The following AGBL4 variants were observed in gnomAD, a reference collection of about 807,000 sequenced individuals.
The protein encoded by AGBL4 is AGBL carboxypeptidase 4.
AGBL4 carries 58 observed loss-of-function variants against 66.4 expected under a neutral mutation model. The observed-to-expected ratio is 0.87, with a 90% confidence interval of 0.71 to 1.09. The LOEUF (loss-of-function observed/expected upper bound fraction) is 1.09. AGBL4 is among the 50% of genes least tolerant of loss of function. The pLI, the probability that AGBL4 is intolerant of heterozygous loss-of-function variation, is 0.00. For missense variants in AGBL4, 579 were observed against 631.0 expected, an observed-to-expected ratio of 0.92 and a Z score of 0.88; for synonymous variants, 234 against 222.9, an observed-to-expected ratio of 1.05 and a Z score of -0.44.
chr1:48,625,584 T>C (rs546349457), intron 9 of AGBL4, among the ~76,000 whole-genome samples: 5 of 152,180 alleles, frequency 3.3e-5, no homozygotes, highest in Admixed American at 6.5e-5. Flanking sequence ...ATGCATAGTA[T>C]CTAATCCTAA....
chr1:49,031,634 G>C (rs891453628), intron 5 of AGBL4, among the ~76,000 whole-genome samples: 1 of 151,962 alleles, frequency 6.6e-6, no homozygotes, highest in Non-Finnish European at 1.5e-5. Flanking sequence ...TATATAGATG[G>C]CCAATAAGCA....
intron 3 of AGBL4, among the ~76,000 whole-genome samples, chr1:49,470,168 CT>C (rs1646712601): frequency 6.6e-6 from 1 of 151,910 alleles, no homozygotes; most frequent in African/African-American, 2.4e-5. Flanking sequence ...AGATGAAACA[CT>C]TTTCCAGAAA....
intron 9 of AGBL4, among the ~76,000 whole-genome samples, chr1:48,624,513 C>T (rs12064613): frequency 1.3e-3 from 199 of 152,298 alleles, no homozygotes; most frequent in African/African-American, 4.2e-3. Flanking sequence ...GCATGATGTG[C>T]ACCTTAACCA....
At chr1:49,132,223 T>C (rs1248079261) in intron 4 of AGBL4, among the ~76,000 whole-genome samples, 1 of 151,978 alleles carries the variant, frequency 6.6e-6, no homozygotes, top group African/African-American at 2.4e-5. Flanking sequence ...AATTAGACTA[T>C]CTCTTGGGTT....
chr1:49,922,534 T>A (rs911449864), intron 1 of AGBL4, among the ~76,000 whole-genome samples: 1 of 152,150 alleles, frequency 6.6e-6, no homozygotes, highest in Non-Finnish European at 1.5e-5. Flanking sequence ...GCAGACGACA[T>A]TATCCCATAT....
intron 3 of AGBL4, among the ~76,000 whole-genome samples, chr1:49,647,972 C>T (rs986838085): frequency 6.6e-6 from 1 of 152,002 alleles, no homozygotes; most frequent in Non-Finnish European, 1.5e-5. Context: ...CTGCCCAGTA[C>T]ATCATGTCCA....
intron 1 of AGBL4, among the ~76,000 whole-genome samples, chr1:49,923,593 T>C (rs948514068): frequency 4.0e-5 from 6 of 151,844 alleles, no homozygotes; most frequent in African/African-American, 1.5e-4. Flanking sequence ...CAAGAATCTA[T>C]AAGGAACTTA....
the AGBL4 span, among the ~76,000 whole-genome samples, chr1:48,527,196 T>G: frequency 6.6e-6 from 1 of 152,158 alleles, no homozygotes; most frequent in African/African-American, 2.4e-5. Context: ...CTGACCTGTC[T>G]GGAACCATTA....
In AGBL4 at chr1:49,756,633, C is replaced by T. The variant is rs376458045; in HGVS notation, c.158-59196G>A. ...CATGTTGTGGGATGGACCAGGTGGG[C>T]GGTAATTGAATCATGGAGGGAGTTT... is the stretch of plus-strand genomic sequence containing the variant. On this transcript the variant is annotated intron_variant, in intron 2 of 13. Transcript: ENST00000371839. 2.8e-3 allele frequency among the ~76,000 whole-genome samples: 426 copies of T among 152,238 alleles called. 3 individuals are homozygous for T. Among genetic ancestry groups the T allele is most frequent in the South Asian group, 9.9e-3 (48 of 4,828 alleles).
intron 6 of AGBL4, among the ~76,000 whole-genome samples, chr1:48,791,964 T>C (rs894125428): frequency 9.9e-5 from 15 of 152,198 alleles, no homozygotes; most frequent in Admixed American, 3.3e-4. Flanking sequence ...TAATTTTTAA[T>C]GGGTGTTATG....
At chr1:49,503,597 T>C (rs1648398800) in intron 3 of AGBL4, among the ~76,000 whole-genome samples, 1 of 152,158 alleles carries the variant, frequency 6.6e-6, no homozygotes, top group South Asian at 2.1e-4. Context: ...GGGGCAGAGC[T>C]GCCCAAAGCT....
At chr1:49,705,581 A>G (rs547876519) in intron 2 of AGBL4, among the ~76,000 whole-genome samples, 4 of 152,338 alleles carry the variant, frequency 2.6e-5, no homozygotes, top group Non-Finnish European at 5.9e-5. Context: ...TACTATGTTG[A>G]ACAGGAGTGG....
intron 5 of AGBL4, among the ~76,000 whole-genome samples, chr1:48,922,917 TCAA>T (rs1654212591): frequency 6.6e-6 from 1 of 151,262 alleles, no homozygotes; most frequent in Non-Finnish European, 1.5e-5. Flanking sequence ...AAATATGTTC[TCAA>T]CTATATATAT....
chr1:48,889,293 T>C (rs1473793815), intron 5 of AGBL4, among the ~76,000 whole-genome samples: 1 of 152,240 alleles, frequency 6.6e-6, no homozygotes, highest in African/African-American at 2.4e-5. Context: ...TGTGACATTA[T>C]CTCTAATCAT....
chr1:49,398,221 A>T (rs1298005249), intron 3 of AGBL4, among the ~76,000 whole-genome samples: 1 of 152,182 alleles, frequency 6.6e-6, no homozygotes, highest in Non-Finnish European at 1.5e-5. Context: ...TAGACTGAGT[A>T]AAGATGTTCT....
intron 2 of AGBL4, among the ~76,000 whole-genome samples, chr1:49,758,451 G>A (rs1376264195): frequency 6.6e-6 from 1 of 152,050 alleles, no homozygotes; most frequent in African/African-American, 2.4e-5. Flanking sequence ...CCGTATGCTT[G>A]GAAAACCTGC....
At chr1:49,097,323 T>C (rs1033229017) in intron 4 of AGBL4, among the ~76,000 whole-genome samples, 2 of 152,088 alleles carry the variant, frequency 1.3e-5, no homozygotes, top group Admixed American at 1.3e-4. Flanking sequence ...ATAGTCTTAG[T>C]GGAAGGGGAG....
At chr1:49,812,358 C>T (rs915674214) in intron 2 of AGBL4, among the ~76,000 whole-genome samples, 2 of 152,122 alleles carry the variant, frequency 1.3e-5, no homozygotes, top group Non-Finnish European at 2.9e-5. Flanking sequence ...TCCTCCAACA[C>T]CTACATTCTA....
At chr1:48,789,965 A>T (rs185312394) in intron 6 of AGBL4, among the ~76,000 whole-genome samples, 2 of 152,212 alleles carry the variant, frequency 1.3e-5, no homozygotes, top group Non-Finnish European at 2.9e-5. Context: ...ATATTTTTCC[A>T]CTTAAGATGT....
Sources: gnomAD v4.1 joint callset for allele counts (sites outside exome capture counted in the v4.1 genomes callset) on GRCh38, gnomAD v4.1.1 for gene constraint, MANE v1.5 for transcripts, NCBI Gene and HGNC (gene_info 2026-07-23, HGNC 2026-07-21) for gene names.